Variants in ANKH observed in about 807,000 individuals in gnomAD.
ANKH encodes the protein mineralization regulator ANKH.
In ANKH, 15 loss-of-function variants were observed where a neutral mutation model predicts 49.0. That is an observed-to-expected ratio of 0.31 (90% CI 0.20 to 0.47). ANKH has a LOEUF of 0.47. ANKH is among the 20% of genes least tolerant of loss of function. The probability of loss-of-function intolerance (pLI) is 1.00; values close to 1 mark genes in which losing one functional copy is unlikely to be tolerated. For missense variants in ANKH, 429 were observed against 652.0 expected (o/e 0.66, Z 3.72); for synonymous variants, 273 against 260.0 (o/e 1.05, Z -0.48).
At chr5:14,827,121 A>T (rs1223999858) in intron 1 of ANKH, among the ~76,000 whole-genome samples, 1 of 152,198 alleles carries the variant, frequency 6.6e-6, no homozygotes, top group Non-Finnish European at 1.5e-5. Context: ...AGCGGTCACC[A>T]CTGTGCGCTC....
intron 8 of ANKH, among the ~76,000 whole-genome samples, chr5:14,724,871 T>C (rs1196153248): frequency 6.6e-6 from 1 of 152,076 alleles, no homozygotes; most frequent in Non-Finnish European, 1.5e-5. Context: ...TTCCATAAGC[T>C]CTTAACCACA....
intron 1 of ANKH, among the ~76,000 whole-genome samples, chr5:14,841,927 C>T (rs1432986101): frequency 1.3e-5 from 2 of 152,072 alleles, no homozygotes; most frequent in Non-Finnish European, 2.9e-5. Flanking sequence ...ATTTAGTTCA[C>T]CAAAATCCTA....
intron 1 of ANKH, among the ~76,000 whole-genome samples, chr5:14,774,297 C>T (rs955949794): frequency 6.6e-6 from 1 of 152,188 alleles, no homozygotes; most frequent in Non-Finnish European, 1.5e-5. Flanking sequence ...TTCACTTGCA[C>T]ACTTTTTAAT....
chr5:14,752,549 G>A (rs1043620675), intron 4 of ANKH, among the ~76,000 whole-genome samples: 2 of 152,158 alleles, frequency 1.3e-5, no homozygotes, highest in Admixed American at 1.3e-4. Context: ...TTTGTCTAGA[G>A]TCCTCCTGGG....
At chr5:14,830,363 C>T (rs370937839) in intron 1 of ANKH, among the ~76,000 whole-genome samples, 4 of 152,152 alleles carry the variant, frequency 2.6e-5, no homozygotes, top group East Asian at 1.9e-4. Flanking sequence ...CCGAAGGTGG[C>T]GACAGCATGA....
chr5:14,840,560 G>A (rs182722285), intron 1 of ANKH, among the ~76,000 whole-genome samples: 1 of 152,304 alleles, frequency 6.6e-6, no homozygotes, highest in Non-Finnish European at 1.5e-5. Context: ...GCATTTTCTT[G>A]ATTTGTGACA....
At chr5:14,768,877 G>T in intron 2 of ANKH, 98 bp downstream of exon 2, 1 of 1,317,494 alleles carries the variant, frequency 7.6e-7, no homozygotes, top group Non-Finnish European at 1.1e-6. Flanking sequence ...TTGATAATTA[G>T]TGAAGAAACC....
chr5:14,771,646 T>C (rs1486410975), intron 1 of ANKH, among the ~76,000 whole-genome samples: 7 of 151,800 alleles, frequency 4.6e-5, no homozygotes, highest in Admixed American at 4.6e-4. Flanking sequence ...TCCAGCTGGG[T>C]GCGGTGGCTC....
intron 1 of ANKH, among the ~76,000 whole-genome samples, chr5:14,814,432 C>T (rs879788758): frequency 1.3e-5 from 2 of 152,134 alleles, no homozygotes; most frequent in Non-Finnish European, 2.9e-5. Context: ...AAGACCTTGT[C>T]TCTACAGAAA....
chr5:14,742,881 G>A (rs766065961), intron 7 of ANKH, among the ~76,000 whole-genome samples: 34 of 152,166 alleles, frequency 2.2e-4, no homozygotes, highest in Non-Finnish European at 4.1e-4. Flanking sequence ...CCTGCAAAAC[G>A]AGGGCCTGGC....
intron 1 of ANKH, among the ~76,000 whole-genome samples, chr5:14,791,912 C>T (rs1277332646): frequency 6.6e-6 from 1 of 152,188 alleles, no homozygotes; most frequent in Non-Finnish European, 1.5e-5. Flanking sequence ...CTCTACTAGG[C>T]AAGAACCATG....
At chr5:14,781,283 A>AG (rs1412557142) in intron 1 of ANKH, among the ~76,000 whole-genome samples, 1 of 152,206 alleles carries the variant, frequency 6.6e-6, no homozygotes, top group Non-Finnish European at 1.5e-5. Context: ...GTTGTGGTTC[A>AG]GGGGGAGCAG....
chr5:14,759,408 A>G (rs1580046603), intron 2 of ANKH, among the ~76,000 whole-genome samples: 1 of 152,264 alleles, frequency 6.6e-6, no homozygotes, highest in East Asian at 1.9e-4. Flanking sequence ...AAGGTTAAAT[A>G]AAATATTGAG....
At chr5:14,711,341 C>T (rs775219725) in intron 11 of ANKH, 31 bp from the exon 12 acceptor site, 2 of 1,588,252 alleles carry the variant, frequency 1.3e-6, no homozygotes, top group Non-Finnish European at 1.7e-6. Flanking sequence ...CAGTGTGGGG[C>T]TGTGGATGGG....
Position 14,806,839 on chromosome 5 carries a change from G to A in ANKH, c.97-37648C>T, listed in dbSNP as rs114212820. ...TATGCAGTCACAAAGGAGAAACACGGCATGCAGTGTCTGCCCTGGAGAATC... is the reference window on the plus strand; with the variant it reads ...TATGCAGTCACAAAGGAGAAACACGACATGCAGTGTCTGCCCTGGAGAATC... On this transcript the variant is annotated intron_variant, in intron 1 of 11. Coordinates refer to ENST00000284268, the MANE Select transcript of ANKH (RefSeq NM_054027.6). Among the ~76,000 whole-genome samples, 800 of 152,374 alleles carry A rather than the reference G, an allele frequency of 5.3e-3. 7 individuals carry two copies. The highest frequency in any genetic ancestry group is 0.017 in the African/African-American group (712 of 41,588).
intron 8 of ANKH, among the ~76,000 whole-genome samples, chr5:14,729,351 C>T (rs1737921057): frequency 1.3e-5 from 2 of 151,620 alleles, no homozygotes; most frequent in Admixed American, 1.3e-4. Flanking sequence ...CCACGCCCCA[C>T]TACTTTTTTT....
At chr5:14,811,430 C>A (rs1209215182) in intron 1 of ANKH, among the ~76,000 whole-genome samples, 2 of 152,154 alleles carry the variant, frequency 1.3e-5, no homozygotes, top group Non-Finnish European at 2.9e-5. Context: ...CAGTGGGAGG[C>A]AGGATTGCTG....
At chr5:14,760,047 G>C (rs1170011008) in intron 2 of ANKH, among the ~76,000 whole-genome samples, 1 of 152,142 alleles carries the variant, frequency 6.6e-6, no homozygotes, top group Admixed American at 6.5e-5. Context: ...AGAGAGTGAG[G>C]TGGGGCAGGT....
chr5:14,747,192 C>T (rs538910655), intron 6 of ANKH, among the ~76,000 whole-genome samples: 2 of 152,156 alleles, frequency 1.3e-5, no homozygotes, highest in Non-Finnish European at 2.9e-5. Flanking sequence ...GATTTCTGAC[C>T]ATAATTTGGT....
Sources: allele counts gnomAD v4.1 joint callset (sites outside exome capture counted in the v4.1 genomes callset), GRCh38; gene constraint gnomAD v4.1.1; transcripts MANE v1.5; gene names NCBI Gene and HGNC (gene_info 2026-07-23, HGNC 2026-07-21).